The following FARP1 variants were observed in gnomAD, a reference collection of about 807,000 sequenced individuals.
The protein encoded by FARP1 is FERM, ARH/RhoGEF and pleckstrin domain protein 1.
In FARP1, 52 loss-of-function variants were observed where a neutral mutation model predicts 128.8. That is an observed-to-expected ratio of 0.40 (90% confidence interval 0.32 to 0.51). The LOEUF (loss-of-function observed/expected upper bound fraction) is 0.51, where lower values mean the gene tolerates loss of function less well. Ranked by LOEUF, FARP1 falls within the 20% of genes least tolerant of loss-of-function variation. The pLI is 0.45. For synonymous variants in FARP1, 580 were observed against 551.8 expected (o/e 1.05, Z -0.72); for missense variants, 1,333 against 1,367.9 (o/e 0.97, Z 0.40).
intron 1 of FARP1, among the ~76,000 whole-genome samples, chr13:98,185,670 G>A (rs1402215426): frequency 6.6e-6 from 1 of 150,982 alleles, no homozygotes; most frequent in Non-Finnish European, 1.5e-5. Context: ...TGGCTGTGGT[G>A]GTAAAATATG....
At chr13:98,355,631 C>G (rs1454417643) in intron 3 of FARP1, among the ~76,000 whole-genome samples, 1 of 152,146 alleles carries the variant, frequency 6.6e-6, no homozygotes, top group African/African-American at 2.4e-5. Flanking sequence ...CTTTGAGAAC[C>G]ACTTCCCTAA....
intron 24 of FARP1, chr13:98,445,885 A>C (rs1373391242): frequency 2.3e-5 from 12 of 520,146 alleles, no homozygotes; most frequent in Non-Finnish European, 4.1e-5. Flanking sequence ...CAGGGACCCC[A>C]AGATGCCCCA....
intron 2 of FARP1, among the ~76,000 whole-genome samples, chr13:98,281,747 T>C (rs935304080): frequency 3.3e-5 from 5 of 152,228 alleles, no homozygotes; most frequent in Admixed American, 2.6e-4. Flanking sequence ...TCAGCTGTTA[T>C]GAACTGCGAG....
chr13:98,253,791 A>G (rs1328699520), intron 2 of FARP1, among the ~76,000 whole-genome samples: 2 of 152,172 alleles, frequency 1.3e-5, no homozygotes. Flanking sequence ...CATTTCATGG[A>G]AACTGGGCCA....
chr13:98,445,161 C>T (rs1354132009), intron 24 of FARP1: 1 of 152,218 alleles, frequency 6.6e-6, no homozygotes, highest in Non-Finnish European at 1.5e-5. Flanking sequence ...CCAGGGGCAC[C>T]CAGAGAGATG....
intron 1 of FARP1, chr13:98,175,925 T>C (rs1410009978): frequency 3.6e-6 from 2 of 548,418 alleles, no homozygotes; most frequent in East Asian, 6.0e-5. Flanking sequence ...TTCCATTGTG[T>C]GTGTGTATCG....
In FARP1 at chr13:98,246,220, C is replaced by T. The variant is rs369799124; in HGVS notation, c.171+32807C>T. 8.0e-5 allele frequency among the ~76,000 whole-genome samples: 12 copies of T among 149,506 alleles called. No individual in the cohort carries two copies. The East Asian group carries it at 2.2e-3, about 27-fold the overall frequency. On this transcript the variant is annotated intron_variant, in intron 2 of 26. Coordinates refer to ENST00000319562, the MANE Select transcript of FARP1 (RefSeq NM_005766.4). ...ACGCCATTCTCCTGCCTCAGCCTCC[C>T]GAGTAGCTAGGACTACAGGCGCCCG... is the stretch of plus-strand genomic sequence containing the variant.
At chr13:98,235,173 T>A (rs1200484750) in intron 2 of FARP1, among the ~76,000 whole-genome samples, 1 of 152,142 alleles carries the variant, frequency 6.6e-6, no homozygotes, top group Non-Finnish European at 1.5e-5. Context: ...GTGGAGCTGC[T>A]TGGCATTTTT....
At chr13:98,234,251 G>A (rs1273362962) in intron 2 of FARP1, 1 of 152,142 alleles carries the variant, frequency 6.6e-6, no homozygotes, top group Non-Finnish European at 1.5e-5. Flanking sequence ...TTAGATGGAT[G>A]GGAGGTTCAG....
chr13:98,311,528 G>A (rs1469258642), intron 2 of FARP1, among the ~76,000 whole-genome samples: 2 of 152,082 alleles, frequency 1.3e-5, no homozygotes, highest in Non-Finnish European at 2.9e-5. Context: ...AAGGAAAATC[G>A]GCAGATAGCA....
Position 98,176,243 on chromosome 13 carries a change from A to G in FARP1, c.-24+32751A>G. ...GAAACCTAAGCCATGGGAATTGGAC[A>G]CTCATGGGGGTCTTCTGTGAAATGG... On this transcript the variant is annotated intron_variant, in intron 1 of 26. Transcript: ENST00000319562. The surrounding 1 kb of genome is among the most constrained non-coding windows in gnomAD (Gnocchi z 6.2). 1 of 1,602,290 alleles carries G rather than the reference A, an allele frequency of 6.2e-7. No individual in the cohort carries two copies. The highest frequency in any genetic ancestry group is 8.5e-7 in the Non-Finnish European group (1 of 1,170,086).
chr13:98,154,397 A>G (rs993586112), intron 1 of FARP1, among the ~76,000 whole-genome samples: 1 of 152,202 alleles, frequency 6.6e-6, no homozygotes, highest in Non-Finnish European at 1.5e-5. Flanking sequence ...TAACCAAAAA[A>G]ATATAGAGAA....
intron 16 of FARP1, among the ~76,000 whole-genome samples, chr13:98,420,714 G>A (rs2140142826): frequency 6.6e-6 from 1 of 152,298 alleles, no homozygotes; most frequent in South Asian, 2.1e-4. Context: ...ATAAATATGT[G>A]GCCCTGCCTT....
intron 3 of FARP1, among the ~76,000 whole-genome samples, chr13:98,359,202 T>C (rs2139940560): frequency 6.6e-6 from 1 of 152,298 alleles, no homozygotes; most frequent in African/African-American, 2.4e-5. Flanking sequence ...GCAGCTTGAA[T>C]AAGCCCTCTG....
chr13:98,337,350 C>T (rs76433243), intron 2 of FARP1, among the ~76,000 whole-genome samples: 5,077 of 152,034 alleles, frequency 0.033, 297 homozygotes, highest in African/African-American at 0.12. Context: ...CCAGCCAAGG[C>T]GACAGCAATA....
intron 13 of FARP1, chr13:98,404,975 T>TA (rs969127148): frequency 2.3e-4 from 35 of 152,346 alleles, no homozygotes; most frequent in African/African-American, 8.2e-4. Context: ...GAGACCCATT[T>TA]AAAAAACAGG....
chr13:98,332,866 G>T (rs1887569732), intron 2 of FARP1: 1 of 152,300 alleles, frequency 6.6e-6, no homozygotes, highest in Non-Finnish European at 1.5e-5. Flanking sequence ...AGGTGTCATT[G>T]GTGGCTTTGT....
rs200810678 is a variant in FARP1, at chr13:98,147,881, TAAATCCTTGTTGAATGA to T, written c.-24+4391_-24+4407del. ...CTCACCGCTATGTTGCCCAGTCTGG[TAAATCCTTGTTGAATGA>T]ATAATAAATCCAGTTTTTACCATCC... On this transcript the variant is annotated intron_variant, in intron 1 of 26. Coordinates refer to ENST00000319562, the MANE Select transcript of FARP1 (RefSeq NM_005766.4). Among the ~76,000 whole-genome samples the T allele has an allele frequency of 6.4e-4, 98 of 152,252 alleles. No homozygotes were observed. In the East Asian group the frequency reaches 0.018, roughly 27 times the overall value.
chr13:98,429,725 G>A (rs1891938825), intron 17 of FARP1, among the ~76,000 whole-genome samples: 2 of 152,126 alleles, frequency 1.3e-5, no homozygotes. Context: ...CTTTTTCCGG[G>A]GCGTGGGAGT....
Sources: gnomAD v4.1 joint callset for allele counts (sites outside exome capture counted in the v4.1 genomes callset) on GRCh38, gnomAD v4.1.1 for gene constraint, Gnocchi (gnomAD v3.1) non-coding constraint, MANE v1.5 for transcripts, NCBI Gene and HGNC (gene_info 2026-07-23, HGNC 2026-07-21) for gene names.